Variants in MTERF4 observed in about 807,000 individuals in gnomAD.
The protein encoded by MTERF4 is transcription termination factor 4, mitochondrial.
In MTERF4, 17 loss-of-function variants were observed where a neutral mutation model predicts 22.5. The observed-to-expected ratio is 0.75, with a 90% CI of 0.52 to 1.13. MTERF4 has a LOEUF of 1.13. Among genes scored for constraint, MTERF4 ranks in the 50% most tolerant of loss-of-function variants. The probability of loss-of-function intolerance (pLI) is 0.00; values close to 1 mark genes in which losing one functional copy is unlikely to be tolerated. For synonymous variants in MTERF4, 165 were observed against 175.3 expected, an observed-to-expected ratio of 0.94 and a Z score of 0.47; for missense variants, 420 against 466.8, an observed-to-expected ratio of 0.90 and a Z score of 0.92.
chr2:241,061,338 T>TA, the MTERF4 span, among the ~76,000 whole-genome samples: 52 of 152,186 alleles, frequency 3.4e-4, no homozygotes, highest in Non-Finnish European at 6.3e-4. Context: ...AGCTGGTAAA[T>TA]TTTCAGAAGT....
downstream of MTERF4, chr2:241,094,627 A>G (rs530836861): frequency 2.3e-5 from 8 of 349,210 alleles, no homozygotes; most frequent in African/African-American, 1.3e-4. This position sits in a 1 kb window ranked among gnomAD's most constrained non-coding sequence, Gnocchi z 4.3. Flanking sequence ...GAACAGTCAC[A>G]TTACTGTTGT....
chr2:241,099,589 AATAT>A lies in MTERF4; in HGVS notation c.323_326del (p.His108LeufsTer28). ...CTCGCCGTACACTGAGCAATTCATT[AATAT>A]GGGCATTGCTGAAACCCATGTCCAG... On this transcript the variant is annotated frameshift_variant, in exon 2 of 4. Transcript: ENST00000391980. LOFTEE classifies it high-confidence loss of function. 1 of 1,614,218 alleles carries A rather than the reference AATAT, an allele frequency of 6.2e-7. No individual in the cohort carries two copies. The highest frequency in any genetic ancestry group is 8.5e-7 in the Non-Finnish European group (1 of 1,180,044).
chr2:241,042,590 C>A, the MTERF4 span, among the ~76,000 whole-genome samples: 4 of 152,106 alleles, frequency 2.6e-5, no homozygotes, highest in East Asian at 7.7e-4. Context: ...ACAGAATTAG[C>A]AGATACAAAT....
At chr2:241,057,570 A>G in the MTERF4 span, among the ~76,000 whole-genome samples, 39 of 151,392 alleles carry the variant, frequency 2.6e-4, no homozygotes, top group Admixed American at 2.6e-4. Flanking sequence ...TGTAGTCCCA[A>G]CTACTCAAGA....
chr2:241,101,810 T>A (rs1371972384), intron 1 of MTERF4, among the ~76,000 whole-genome samples: 1 of 152,194 alleles, frequency 6.6e-6, no homozygotes, highest in Non-Finnish European at 1.5e-5. Context: ...CCCAGCACTT[T>A]GGGAGTTCGA....
chr2:241,093,383 C>T (rs1357983744), downstream of MTERF4: 2 of 152,702 alleles, frequency 1.3e-5, no homozygotes, highest in Admixed American at 1.3e-4. Context: ...TACTAGGAAA[C>T]TTTCTACTCC....
downstream of MTERF4, chr2:241,071,527 G>C: frequency 6.4e-7 from 1 of 1,553,090 alleles, no homozygotes; most frequent in Non-Finnish European, 8.6e-7. Context: ...GCAGGGACAG[G>C]AGCAGAGGGC....
chr2:241,056,063 A>C, the MTERF4 span, among the ~76,000 whole-genome samples: 2 of 148,356 alleles, frequency 1.3e-5, no homozygotes, highest in African/African-American at 2.6e-5. Flanking sequence ...GATGACACAT[A>C]ATCTAAAGAA....
chr2:241,089,982 G>A, downstream of MTERF4: 1 of 1,548,620 alleles, frequency 6.5e-7, no homozygotes, highest in Non-Finnish European at 8.7e-7. Context: ...TGGTATACCT[G>A]GGCAGGGCGC....
At chr2:241,045,870 G>T in the MTERF4 span, among the ~76,000 whole-genome samples, 2 of 152,128 alleles carry the variant, frequency 1.3e-5, no homozygotes, top group Admixed American at 1.3e-4. Context: ...AAAAAGACAA[G>T]CTACAGACCA....
At chr2:241,097,121 T>C in intron 3 of MTERF4, 122 bp downstream of exon 3, 3 of 1,222,342 alleles carry the variant, frequency 2.5e-6, no homozygotes, top group Non-Finnish European at 3.5e-6. Context: ...TTGAAAAACC[T>C]GAGAAACTTG....
chr2:241,070,719 G>A (rs1426663528), downstream of MTERF4, among the ~76,000 whole-genome samples: 2 of 152,230 alleles, frequency 1.3e-5, no homozygotes, highest in Non-Finnish European at 1.5e-5. Context: ...CCAAGTGCAG[G>A]GGTGGCCCTT....
intron 2 of MTERF4, among the ~76,000 whole-genome samples, chr2:241,098,048 T>A (rs2064536052): frequency 6.6e-6 from 1 of 152,214 alleles, no homozygotes; most frequent in South Asian, 2.1e-4. Context: ...CACTAACTGG[T>A]GTAAACTGGG....
At chr2:241,052,246 G>A in the MTERF4 span, 1 of 1,443,374 alleles carries the variant, frequency 6.9e-7, no homozygotes, top group South Asian at 1.2e-5. Context: ...GGCTGGTCCA[G>A]GCCCTGGAGG....
chr2:241,090,814 C>T (rs1460385602), downstream of MTERF4, among the ~76,000 whole-genome samples: 2 of 150,604 alleles, frequency 1.3e-5, no homozygotes, highest in African/African-American at 4.9e-5. Context: ...TTGCAGTGGG[C>T]TGAGATTGCG....
In MTERF4 at chr2:241,073,394, G is replaced by A. The variant is rs1320234215; in HGVS notation, n.2768C>T. On this transcript the variant is annotated non_coding_transcript_exon_variant, in exon 5 of 5. Transcript: ENST00000464344. This position sits in a 1 kb window ranked among gnomAD's most constrained non-coding sequence, Gnocchi z 6.6. The stretch of plus-strand genomic sequence containing the variant: ...GTCAGCAGCGCTGGTGGGGACTTTG[G>A]GACTGACTGACTGCTCTCAGGGGCC... 1.3e-6 allele frequency: 2 copies of A among 1,524,822 alleles called. No homozygotes were observed. Among genetic ancestry groups the A allele is most frequent in the Non-Finnish European group, 1.8e-6 (2 of 1,122,356 alleles). The allele number at this position is 1,524,822 out of a possible 1,614,324, so 94.5% of individuals were successfully genotyped here. A position where few individuals can be genotyped will look rare whatever the true frequency, so the allele number is the denominator to read the frequency against.
rs1225920799 is a variant in MTERF4 at position 241,096,350 on chromosome 2, T to G, written c.794A>C (p.His265Pro). ...CCGTCCCAGGCGCTCCAGGTAAATG[T>G]GTCTCTGCTTAATCTTGGTTAGTGA... ...QYSLTKIKQR[H>P]IYLERLGRYQ... Residue 265 changes from histidine (H) to proline (P), a missense_variant, in exon 4 of 4, where the codon CAC (histidine) becomes CCC (proline). Coordinates refer to ENST00000391980, the MANE Select transcript of MTERF4 (RefSeq NM_182501.4). The surrounding 1 kb of genome is among the most constrained non-coding windows in gnomAD (Gnocchi z 5.1). The G allele has an allele frequency of 1.2e-5, 20 of 1,614,214 alleles. No individual in the cohort carries two copies. Among genetic ancestry groups the G allele is most frequent in the Non-Finnish European group, 1.7e-5 (20 of 1,180,038 alleles).
At chr2:241,087,795 G>A (rs753859472), downstream of MTERF4, 7 of 831,286 alleles carry the variant, frequency 8.4e-6, no homozygotes, top group Admixed American at 3.9e-5. Context: ...TTTAATGGCC[G>A]ATATAGCGCG....
downstream of MTERF4, chr2:241,069,063 T>A (rs758069414): frequency 7.2e-7 from 1 of 1,388,598 alleles, no homozygotes; most frequent in Non-Finnish European, 9.9e-7. The surrounding 1 kb of genome is among the most constrained non-coding windows in gnomAD (Gnocchi z 4.9). Flanking sequence ...CGAAAGGCCG[T>A]CTTCTAGAAG....
Sources: allele counts gnomAD v4.1 joint callset (sites outside exome capture counted in the v4.1 genomes callset), GRCh38; gene constraint gnomAD v4.1.1; non-coding constraint Gnocchi (gnomAD v3.1); transcripts MANE v1.5; gene names NCBI Gene and HGNC (gene_info 2026-07-23, HGNC 2026-07-21).